The following LRRC37A2 variants were observed in gnomAD, a reference collection of about 807,000 sequenced individuals.
LRRC37A2 encodes the protein leucine-rich repeat-containing protein 37A2.
LRRC37A2 carries 9 observed loss-of-function variants against 68.8 expected under a neutral mutation model. The ratio of observed to expected loss-of-function variants is 0.13; its 90% CI spans 0.08 to 0.23. The LOEUF (loss-of-function observed/expected upper bound fraction) is 0.23, where lower values mean the gene tolerates loss of function less well. Among genes scored for constraint, LRRC37A2 ranks in the 10% least tolerant of loss-of-function variants. LRRC37A2 has a pLI of 1.00. For missense variants in LRRC37A2, 168 were observed against 950.4 expected (o/e 0.18, Z 10.82); for synonymous variants, 63 against 367.6 (o/e 0.17, Z 9.48).
At chr17:47,033,820 AG>A in the LRRC37A2 span, among the ~76,000 whole-genome samples, 1 of 152,236 alleles carries the variant, frequency 6.6e-6, no homozygotes, top group Non-Finnish European at 1.5e-5. Flanking sequence ...AAAATATTTC[AG>A]TTTTCCTCAT....
the LRRC37A2 span, among the ~76,000 whole-genome samples, chr17:46,905,567 G>A: frequency 6.6e-6 from 1 of 152,198 alleles, no homozygotes; most frequent in Admixed American, 6.5e-5. Context: ...GTGCAGGATG[G>A]CACCTGTGGC....
the LRRC37A2 span, among the ~76,000 whole-genome samples, chr17:46,925,988 A>G: frequency 6.0e-3 from 917 of 152,298 alleles, 4 homozygotes; most frequent in African/African-American, 0.021. Context: ...TTTGTCCCCT[A>G]TGTAGTCCAA....
At chr17:46,935,098 G>A in the LRRC37A2 span, 4 of 1,613,032 alleles carry the variant, frequency 2.5e-6, no homozygotes, top group Admixed American at 1.7e-5. Context: ...AGTTCACAAC[G>A]GCATGGATGA....
At chr17:46,991,636 AAAATAAAAT>A in the LRRC37A2 span, among the ~76,000 whole-genome samples, 1 of 146,134 alleles carries the variant, frequency 6.8e-6, no homozygotes, top group African/African-American at 2.5e-5. Flanking sequence ...AAAATAAAAT[AAAATAAAAT>A]AAATAAACAG....
chr17:47,009,514 T>G, the LRRC37A2 span, among the ~76,000 whole-genome samples: 24 of 152,154 alleles, frequency 1.6e-4, no homozygotes, highest in Non-Finnish European at 2.9e-5. Flanking sequence ...CACCATCTTC[T>G]CTCAGATTTT....
chr17:46,968,087 G>T, the LRRC37A2 span, among the ~76,000 whole-genome samples: 39 of 152,150 alleles, frequency 2.6e-4, 1 homozygote, highest in South Asian at 7.3e-3. Flanking sequence ...GGGGCATATG[G>T]CATGGCCCAG....
the LRRC37A2 span, among the ~76,000 whole-genome samples, chr17:46,951,733 A>C: frequency 6.6e-6 from 1 of 152,210 alleles, no homozygotes; most frequent in Admixed American, 6.5e-5. Context: ...CAAGAGGAAA[A>C]GGAAACCTCT....
the LRRC37A2 span, among the ~76,000 whole-genome samples, chr17:46,973,375 C>G: frequency 1.3e-5 from 2 of 152,034 alleles, no homozygotes; most frequent in African/African-American, 4.8e-5. Flanking sequence ...GTTGCCCAGG[C>G]TGGTCTCGAA....
the LRRC37A2 span, among the ~76,000 whole-genome samples, chr17:46,922,133 C>G: frequency 6.6e-6 from 1 of 152,182 alleles, no homozygotes; most frequent in African/African-American, 2.4e-5. Flanking sequence ...CATATATACA[C>G]CATGGAATAC....
At chr17:46,986,260 C>T in the LRRC37A2 span, among the ~76,000 whole-genome samples, 1 of 152,128 alleles carries the variant, frequency 6.6e-6, no homozygotes, top group South Asian at 2.1e-4. Context: ...CCTCCCCAAG[C>T]CTAAGTTTCC....
chr17:46,707,132 T>C, the LRRC37A2 span, among the ~76,000 whole-genome samples: 1 of 152,212 alleles, frequency 6.6e-6, no homozygotes, highest in African/African-American at 2.4e-5. Context: ...ATTACAGGCG[T>C]GAGCCACTGC....
At chr17:46,854,917 C>G in the LRRC37A2 span, among the ~76,000 whole-genome samples, 15 of 152,312 alleles carry the variant, frequency 9.8e-5, no homozygotes, top group Non-Finnish European at 2.1e-4. Context: ...GCCTGGGCCT[C>G]CTAAAGTGCT....
chr17:46,855,857 C>T, the LRRC37A2 span, among the ~76,000 whole-genome samples: 27 of 152,210 alleles, frequency 1.8e-4, no homozygotes, highest in African/African-American at 6.5e-4. Context: ...TGCCACCATG[C>T]CTGGCTAATT....
the LRRC37A2 span, chr17:46,939,649 C>G: frequency 5.1e-6 from 5 of 985,488 alleles, no homozygotes; most frequent in African/African-American, 8.7e-5. Context: ...CTTCTCTTCC[C>G]TGAAATATAT....
chr17:46,498,821 T>C, the LRRC37A2 span, among the ~76,000 whole-genome samples: 1 of 149,968 alleles, frequency 6.7e-6, no homozygotes, highest in African/African-American at 2.5e-5. Flanking sequence ...CTTTAAAATA[T>C]GTATAGTGGT....
chr17:46,880,721 A>G, the LRRC37A2 span, among the ~76,000 whole-genome samples: 1 of 151,996 alleles, frequency 6.6e-6, no homozygotes, highest in East Asian at 1.9e-4. Context: ...AAAGTATGGG[A>G]TTTTTTTCCT....
chr17:46,791,692 T>A, the LRRC37A2 span, among the ~76,000 whole-genome samples: 1 of 152,226 alleles, frequency 6.6e-6, no homozygotes, highest in Non-Finnish European at 1.5e-5. Context: ...CTTACATTCA[T>A]CACAGAAGTA....
the LRRC37A2 span, among the ~76,000 whole-genome samples, chr17:46,388,429 G>GCA: frequency 1.6e-5 from 1 of 62,636 alleles, no homozygotes; most frequent in African/African-American, 4.8e-5. Flanking sequence ...GGGTGTGGTG[G>GCA]CGCATGCCTG....
chr17:46,892,203 G>A, the LRRC37A2 span, among the ~76,000 whole-genome samples: 1 of 152,048 alleles, frequency 6.6e-6, no homozygotes, highest in South Asian at 2.1e-4. Context: ...ACAGGTGTGA[G>A]CCACTGCACA....
Sources: gnomAD v4.1 joint callset for allele counts (sites outside exome capture counted in the v4.1 genomes callset) on GRCh38, gnomAD v4.1.1 for gene constraint, MANE v1.5 for transcripts, NCBI Gene and HGNC (gene_info 2026-07-23, HGNC 2026-07-21) for gene names.